The following CDH6 variants were observed in gnomAD, a reference collection of about 807,000 sequenced individuals.
CDH6 encodes cadherin 6.
A neutral mutation model predicts 78.0 loss-of-function variants in CDH6; 31 were observed. The observed-to-expected ratio is 0.40, with a 90% CI of 0.30 to 0.54. The LOEUF (loss-of-function observed/expected upper bound fraction) is 0.54. CDH6 is among the 20% of genes least tolerant of loss of function. The pLI is 0.56. For synonymous variants in CDH6, 376 were observed against 368.8 expected, an observed-to-expected ratio of 1.02 and a Z score of -0.23; for missense variants, 724 against 975.9, an observed-to-expected ratio of 0.74 and a Z score of 3.44.
At chr5:31,290,603 T>C (rs1743128399) in intron 2 of CDH6, among the ~76,000 whole-genome samples, 1 of 152,196 alleles carries the variant, frequency 6.6e-6, no homozygotes, top group South Asian at 2.1e-4. Flanking sequence ...AAGTGCTCAA[T>C]AAACCCCTAA....
intron 1 of CDH6, among the ~76,000 whole-genome samples, chr5:31,233,320 A>G (rs1741364188): frequency 6.7e-6 from 1 of 148,180 alleles, no homozygotes; most frequent in Non-Finnish European, 1.5e-5. Flanking sequence ...CAACCTGGGC[A>G]ACATGGCAAT....
intron 2 of CDH6, among the ~76,000 whole-genome samples, chr5:31,289,829 G>C (rs755422531): frequency 4.6e-5 from 7 of 152,124 alleles, no homozygotes; most frequent in Non-Finnish European, 1.0e-4. Context: ...AGCACATTTA[G>C]CATGTAAAAA....
At chr5:31,266,468 T>C (rs1475331260) in intron 1 of CDH6, among the ~76,000 whole-genome samples, 1 of 152,186 alleles carries the variant, frequency 6.6e-6, no homozygotes, top group Non-Finnish European at 1.5e-5. Context: ...TTACCAGTTT[T>C]AACAAATATG....
chr5:31,230,619 G>A (rs1418616816), intron 1 of CDH6, among the ~76,000 whole-genome samples: 1 of 152,122 alleles, frequency 6.6e-6, no homozygotes, highest in African/African-American at 2.4e-5. Flanking sequence ...GCAAAGCAAA[G>A]AGAAACAAAT....
At chr5:31,214,952 G>T (rs975764735) in intron 1 of CDH6, among the ~76,000 whole-genome samples, 7 of 152,078 alleles carry the variant, frequency 4.6e-5, no homozygotes, top group African/African-American at 9.7e-5. Context: ...TTATAGTCCT[G>T]CTGCTGAGGA....
intron 1 of CDH6, among the ~76,000 whole-genome samples, chr5:31,216,513 A>G: frequency 6.6e-6 from 1 of 152,042 alleles, no homozygotes; most frequent in East Asian, 1.9e-4. Flanking sequence ...TGTATTGCCT[A>G]TAGCTGTTTT....
At chr5:31,271,268 C>G (rs1037753047) in intron 2 of CDH6, among the ~76,000 whole-genome samples, 1 of 152,006 alleles carries the variant, frequency 6.6e-6, no homozygotes, top group African/African-American at 2.4e-5. Flanking sequence ...GTGAGGGAAA[C>G]AAAAGGCTTT....
intron 2 of CDH6, among the ~76,000 whole-genome samples, chr5:31,284,114 C>T (rs1742945998): frequency 6.6e-6 from 1 of 152,100 alleles, no homozygotes; most frequent in Non-Finnish European, 1.5e-5. Flanking sequence ...CGTGCCCAGC[C>T]CTATTTTCTA....
chr5:31,277,710 C>T (rs1368020496), intron 2 of CDH6, among the ~76,000 whole-genome samples: 1 of 152,184 alleles, frequency 6.6e-6, no homozygotes, highest in African/African-American at 2.4e-5. Context: ...CTGCAAGACC[C>T]TAGCCTACAT....
chr5:31,325,484 T>G lies in CDH6; in HGVS notation c.*2176T>G. On this transcript the variant is annotated 3_prime_UTR_variant, in exon 12 of 12. Coordinates refer to ENST00000265071, the MANE Select transcript of CDH6 (RefSeq NM_004932.4). ...TACTCATAGCAATAGAACAGCACCT[T>G]AATCACACGATTTACTGTAAAATTA... 1 of 231,216 alleles carries G rather than the reference T, an allele frequency of 4.3e-6. No homozygotes were observed. Among genetic ancestry groups the G allele is most frequent in the Non-Finnish European group, 8.6e-6 (1 of 116,794 alleles). 14.3% of individuals were successfully genotyped at this position (231,216 alleles called of 1,614,324 possible).
intron 4 of CDH6, 86 bp downstream of exon 4, chr5:31,297,494 C>T: frequency 1.0e-6 from 1 of 1,004,172 alleles, no homozygotes; most frequent in Non-Finnish European, 1.5e-6. Context: ...TAAAAATAAT[C>T]AATGTGATTG....
At chr5:31,222,289 A>G (rs1364193572) in intron 1 of CDH6, among the ~76,000 whole-genome samples, 1 of 152,310 alleles carries the variant, frequency 6.6e-6, no homozygotes, top group East Asian at 1.9e-4. Flanking sequence ...TCCTTATTCT[A>G]AGAATGTAAT....
intron 4 of CDH6, among the ~76,000 whole-genome samples, chr5:31,297,745 G>A (rs895901710): frequency 3.9e-5 from 6 of 152,134 alleles, no homozygotes; most frequent in South Asian, 2.1e-4. Context: ...TAATTATTTA[G>A]TAGGATTGTG....
intron 7 of CDH6, among the ~76,000 whole-genome samples, chr5:31,307,036 C>T (rs1480278424): frequency 6.6e-6 from 1 of 151,954 alleles, no homozygotes; most frequent in African/African-American, 2.4e-5. Context: ...GAAAGAACAG[C>T]GAGGAGGCCT....
At chr5:31,322,779 A>G in intron 11 of CDH6, 39 bp from the exon 12 acceptor site, 2 of 1,574,848 alleles carry the variant, frequency 1.3e-6, no homozygotes, top group South Asian at 2.3e-5. Flanking sequence ...GCAGCAAATT[A>G]ACTTTTCCTT....
intron 1 of CDH6, among the ~76,000 whole-genome samples, chr5:31,217,769 T>A (rs1453735389): frequency 6.6e-6 from 1 of 152,160 alleles, no homozygotes; most frequent in African/African-American, 2.4e-5. Flanking sequence ...AGTAAGAGAA[T>A]AAATCCAAGT....
At chr5:31,256,568 GCTGT>G (rs1368773197) in intron 1 of CDH6, among the ~76,000 whole-genome samples, 1 of 152,116 alleles carries the variant, frequency 6.6e-6, no homozygotes, top group East Asian at 1.9e-4. Flanking sequence ...TTCCAACCTG[GCTGT>G]CTTTTGTTTT....
chr5:31,302,794 GAGAGAGAAAGAAAGAAAGAAAGAAAGAA>G lies in CDH6; in HGVS notation c.999+500_999+527del, dbSNP rs1267739359. ...GAAAGAAGAAAGAGAGAGAGAGAGA[GAGAGAGAAAGAAAGAAAGAAAGAAAGAA>G]AGAAAGAAAGAAAGAAAGAAAGAAA... is the stretch of plus-strand genomic sequence containing the variant. On this transcript the variant is annotated intron_variant, in intron 6 of 11. Coordinates refer to ENST00000265071, the MANE Select transcript of CDH6 (RefSeq NM_004932.4). 2.1e-3 allele frequency among the ~76,000 whole-genome samples: 75 copies of G among 36,388 alleles called. 2 individuals are homozygous for G. The South Asian group carries it at 0.059, about 29-fold the overall frequency. The allele number at this position is 36,388 out of a possible 152,430, so 23.9% of individuals were successfully genotyped here.
chr5:31,316,575 T>A (rs2149959398), intron 9 of CDH6, among the ~76,000 whole-genome samples: 1 of 152,344 alleles, frequency 6.6e-6, no homozygotes, highest in South Asian at 2.1e-4. Flanking sequence ...AATAGATTAG[T>A]CTCACCTTTA....
Sources: gnomAD v4.1 joint callset for allele counts (sites outside exome capture counted in the v4.1 genomes callset) on GRCh38, gnomAD v4.1.1 for gene constraint, MANE v1.5 for transcripts, NCBI Gene and HGNC (gene_info 2026-07-23, HGNC 2026-07-21) for gene names.